Variants in FRMPD1 observed in about 807,000 individuals in gnomAD.
The protein encoded by FRMPD1 is FERM and PDZ domain-containing protein 1.
FRMPD1 carries 76 observed loss-of-function variants against 117.8 expected under a neutral mutation model. That is an observed-to-expected ratio of 0.65 (90% CI 0.54 to 0.78). The LOEUF (loss-of-function observed/expected upper bound fraction) is 0.78. Among genes scored for constraint, FRMPD1 ranks in the 30% least tolerant of loss-of-function variants. The pLI is 0.00. For missense variants in FRMPD1, 1,786 were observed against 1,964.5 expected, an observed-to-expected ratio of 0.91 and a Z score of 1.72; for synonymous variants, 783 against 770.4, an observed-to-expected ratio of 1.02 and a Z score of -0.27.
the FRMPD1 span, among the ~76,000 whole-genome samples, chr9:37,604,037 A>T: frequency 6.6e-6 from 1 of 152,194 alleles, no homozygotes; most frequent in African/African-American, 2.4e-5. Context: ...AGTGTTGGAG[A>T]TGATGCAAAG....
chr9:37,702,623 C>T (rs1277700233), intron 2 of FRMPD1, among the ~76,000 whole-genome samples: 1 of 152,110 alleles, frequency 6.6e-6, no homozygotes, highest in Admixed American at 6.6e-5. Flanking sequence ...GAGTGAAGGC[C>T]TGGGAAGGGG....
At chr9:37,655,419 A>AG (rs1820810253) in intron 1 of FRMPD1, among the ~76,000 whole-genome samples, 1 of 150,588 alleles carries the variant, frequency 6.6e-6, no homozygotes, top group African/African-American at 2.4e-5. Context: ...TGAAGTCCCG[A>AG]GTCCTCAGCC....
Position 37,746,556 on chromosome 9 carries a change from A to T in FRMPD1, c.4524A>T (p.Thr1508=), listed in dbSNP as rs771906819. The part of the protein sequence containing the change: ...VQLAGLCFQF[T]DCSRCSARHR... ...TGGCCGGCCTGTGCTTTCAGTTCACAGACTGTAGCCGCTGCTCCGCCCGGC... is the reference window on the plus strand; with the variant it reads ...TGGCCGGCCTGTGCTTTCAGTTCACTGACTGTAGCCGCTGCTCCGCCCGGC... The change falls in exon 16 of 16, where the codon ACA becomes ACT. Residue 1508 remains threonine (T), a synonymous_variant. Coordinates refer to ENST00000377765, the MANE Select transcript of FRMPD1 (RefSeq NM_014907.3). 1.2e-6 allele frequency: 2 copies of T among 1,613,792 alleles called. No homozygotes were observed. The highest frequency in any genetic ancestry group is 1.7e-6 in the Non-Finnish European group (2 of 1,179,998).
chr9:37,615,804 T>C, the FRMPD1 span, among the ~76,000 whole-genome samples: 1 of 151,824 alleles, frequency 6.6e-6, no homozygotes, highest in East Asian at 1.9e-4. Context: ...TCAAAACACA[T>C]GATCACATCT....
chr9:37,640,843 G>A, the FRMPD1 span, among the ~76,000 whole-genome samples: 1 of 152,164 alleles, frequency 6.6e-6, no homozygotes, highest in Non-Finnish European at 1.5e-5. Context: ...GTCTTCAGTG[G>A]CATCAATAAG....
At chr9:37,739,475 T>G (rs1311527824) in intron 14 of FRMPD1, among the ~76,000 whole-genome samples, 1 of 152,006 alleles carries the variant, frequency 6.6e-6, no homozygotes, top group African/African-American at 2.4e-5. Flanking sequence ...CATTAATCCT[T>G]CCTGAGAACC....
At chr9:37,672,112 C>T (rs1821371869) in intron 1 of FRMPD1, among the ~76,000 whole-genome samples, 1 of 152,172 alleles carries the variant, frequency 6.6e-6, no homozygotes, top group Non-Finnish European at 1.5e-5. Flanking sequence ...GAAAATGCTT[C>T]AAAATGGATT....
At chr9:37,640,794 T>C in the FRMPD1 span, among the ~76,000 whole-genome samples, 2 of 152,376 alleles carry the variant, frequency 1.3e-5, no homozygotes, top group South Asian at 4.1e-4. Context: ...TGTGTACTGG[T>C]CATTAATCAG....
chr9:37,647,510 C>CAAA (rs369681968), upstream of FRMPD1, among the ~76,000 whole-genome samples: 308 of 80,308 alleles, frequency 3.8e-3, no homozygotes, highest in Admixed American at 0.011. Context: ...GACTCCGTTT[C>CAAA]AAAAAAAAAA....
chr9:37,638,064 CTTCTT>C, the FRMPD1 span, among the ~76,000 whole-genome samples: 325 of 86,600 alleles, frequency 3.8e-3, 6 homozygotes, highest in Middle Eastern at 0.019. Context: ...TCTTTCTTTC[CTTCTT>C]TTCTTTTCTT....
Position 37,732,177 on chromosome 9 carries a change from C to T in FRMPD1, c.859-127C>T, listed in dbSNP as rs560821585. ...TCTTGGTAACTTAACCAAGGTCACA[C>T]AGCCAAGAACTGTCAGAGCCAGCTC... On this transcript the variant is annotated intron_variant, in intron 9 of 15. Coordinates refer to ENST00000377765, the MANE Select transcript of FRMPD1 (RefSeq NM_014907.3). 27 of 920,028 alleles carry T rather than the reference C, an allele frequency of 2.9e-5. No homozygotes were observed. The African/African-American group carries it at 3.1e-4, about 11-fold the overall frequency. 57.0% of individuals were successfully genotyped at this position (920,028 alleles called of 1,614,324 possible). A position where few individuals can be genotyped will look rare whatever the true frequency, so the allele number is the denominator to read the frequency against.
intron 1 of FRMPD1, among the ~76,000 whole-genome samples, chr9:37,690,328 A>T (rs929602091): frequency 5.3e-5 from 8 of 152,008 alleles, no homozygotes; most frequent in Non-Finnish European, 1.2e-4. Context: ...GTTTATTTTT[A>T]AAAAATCCTC....
intron 10 of FRMPD1, 23 bp downstream of exon 10, chr9:37,732,463 T>A: frequency 1.9e-6 from 3 of 1,578,500 alleles, no homozygotes; most frequent in Non-Finnish European, 2.6e-6. Flanking sequence ...GGATGGCAGC[T>A]GCATTGCATT....
At chr9:37,678,041 G>T (rs1480055768) in intron 1 of FRMPD1, among the ~76,000 whole-genome samples, 1 of 152,090 alleles carries the variant, frequency 6.6e-6, no homozygotes, top group African/African-American at 2.4e-5. Context: ...AATGGAAACA[G>T]GACCCATGGT....
intron 3 of FRMPD1, 27 bp downstream of exon 3, chr9:37,707,600 G>A: frequency 1.2e-6 from 2 of 1,601,146 alleles, no homozygotes; most frequent in Non-Finnish European, 1.7e-6. Flanking sequence ...AAATGAGAAA[G>A]GAGTTTGGTT....
Position 37,745,407 on chromosome 9 carries a change from T to G in FRMPD1, c.3375T>G (p.Phe1125Leu). Residue 1125 changes from phenylalanine to leucine, a missense_variant, in exon 16 of 16, where the codon TTT becomes TTG. Coordinates refer to ENST00000377765, the MANE Select transcript of FRMPD1 (RefSeq NM_014907.3). ...CAAACAAAAATGGCACCAACGTATT[T>G]CAGGAGGAGTCTAGGAAGGATTCAG... ...EVTNKNGTNV[F>L]QEESRKDSGD... 4 of 1,614,080 alleles carry G rather than the reference T, an allele frequency of 2.5e-6. No individual in the cohort carries two copies. The highest frequency in any genetic ancestry group is 3.4e-6 in the Non-Finnish European group (4 of 1,179,950).
chr9:37,630,529 G>C, the FRMPD1 span, among the ~76,000 whole-genome samples: 1 of 152,030 alleles, frequency 6.6e-6, no homozygotes, highest in African/African-American at 2.4e-5. Flanking sequence ...TACAGGCTTG[G>C]GCCACCAGTC....
chr9:37,732,229 C>A, intron 9 of FRMPD1, 75 bp from the exon 10 acceptor site: 1 of 1,507,582 alleles, frequency 6.6e-7, no homozygotes, highest in Non-Finnish European at 9.1e-7. Context: ...GGTCCTGCTG[C>A]CTTTCACCCG....
In FRMPD1 at chr9:37,673,024, CA is replaced by C. The variant is rs1283104251; in HGVS notation, c.-4-19610del. Reference sequence around the variant, plus strand: ...CTCCAAATCTCATATCCTCACATTTCAAAACCAATCATGCCTTCCCAATAGT... The same window carrying C: ...CTCCAAATCTCATATCCTCACATTTCAAACCAATCATGCCTTCCCAATAGT... On this transcript the variant is annotated intron_variant, in intron 1 of 15. Coordinates refer to ENST00000377765, the MANE Select transcript of FRMPD1 (RefSeq NM_014907.3). 2.0e-5 allele frequency among the ~76,000 whole-genome samples: 3 copies of C among 152,292 alleles called. No individual in the cohort carries two copies. The East Asian group carries it at 5.8e-4, about 29-fold the overall frequency.
Sources: allele counts gnomAD v4.1 joint callset (sites outside exome capture counted in the v4.1 genomes callset), GRCh38; gene constraint gnomAD v4.1.1; transcripts MANE v1.5; gene names NCBI Gene and HGNC (gene_info 2026-07-23, HGNC 2026-07-21).